CEP104: variants seen among roughly 807,000 people sequenced by gnomAD.
The protein encoded by CEP104 is centrosomal protein of 104 kDa.
CEP104 carries 84 observed loss-of-function variants against 113.3 expected under a neutral mutation model. The observed-to-expected ratio is 0.74, with a 90% CI of 0.62 to 0.89. CEP104 has a LOEUF of 0.89. Ranked by LOEUF, CEP104 falls within the 40% of genes least tolerant of loss-of-function variation. The pLI, the probability that CEP104 is intolerant of heterozygous loss-of-function variation, is 0.00. For missense variants in CEP104, 1,053 were observed against 1,156.6 expected (o/e 0.91, Z 1.30); for synonymous variants, 378 against 421.7 (o/e 0.90, Z 1.27).
intron 9 of CEP104, chr1:3,836,955 T>C: frequency 1.9e-6 from 1 of 515,866 alleles, no homozygotes; most frequent in East Asian, 3.2e-5. Context: ...TCAATGACTG[T>C]TTACTGGTAG....
At position 3,836,873 on chromosome 1, in the gene CEP104, A is replaced by T. The variant is rs1644324909; in HGVS notation, c.1120-181T>A. On this transcript the variant is annotated intron_variant, in intron 9 of 21. Coordinates refer to ENST00000378230, the MANE Select transcript of CEP104 (RefSeq NM_014704.4). ...CAACAAATAGGATGTAATTGAAAAGATTAGATGAGGCTTTCTATTACTTTC... is the reference window on the plus strand; with the variant it reads ...CAACAAATAGGATGTAATTGAAAAGTTTAGATGAGGCTTTCTATTACTTTC... 2.0e-5 allele frequency: 12 copies of T among 600,964 alleles called. No homozygotes were observed. In the South Asian group the frequency reaches 2.1e-4, roughly 11 times the overall value. The allele number at this position is 600,964 out of a possible 1,614,324, so 37.2% of individuals were successfully genotyped here.
intron 6 of CEP104, among the ~76,000 whole-genome samples, chr1:3,841,423 G>A (rs1038748196): frequency 6.6e-6 from 1 of 152,176 alleles, no homozygotes; most frequent in South Asian, 2.1e-4. Flanking sequence ...ACATTTTGGG[G>A]TGTCTACAAG....
At chr1:3,831,334 G>T in intron 12 of CEP104, 112 bp from the exon 13 acceptor site, 1 of 866,652 alleles carries the variant, frequency 1.2e-6, no homozygotes, top group Non-Finnish European at 1.8e-6. Flanking sequence ...GGGAAATACA[G>T]ATTGATAGTG....
chr1:3,822,447 A>G (rs1213829248), intron 20 of CEP104, among the ~76,000 whole-genome samples: 2 of 152,226 alleles, frequency 1.3e-5, no homozygotes, highest in Non-Finnish European at 2.9e-5. Context: ...ACAGTGACAC[A>G]CTGCAGGTGG....
rs140175791 is a variant in CEP104 at position 3,819,141 on chromosome 1, C to CT, written c.2572-2772dup. The stretch of plus-strand genomic sequence containing the variant: ...AGCAGATACCTAGTATGTTCAAGGA[C>CT]TTGAACGTGCAATGAAGTGCTACTG... On this transcript the variant is annotated intron_variant, in intron 20 of 21. Transcript: ENST00000378230. This position sits in a 1 kb window ranked among gnomAD's most constrained non-coding sequence, Gnocchi z 4.6. Among the ~76,000 whole-genome samples, 66 of 152,306 alleles carry CT rather than the reference C, an allele frequency of 4.3e-4. No homozygotes were observed. Among genetic ancestry groups the CT allele is most frequent in the African/African-American group, 1.6e-3 (66 of 41,564 alleles).
rs143877457 is a variant in CEP104 at position 3,836,548 on chromosome 1, C to T, written c.1264G>A (p.Glu422Lys). The change falls in exon 10 of 22, where the codon GAG becomes AAG. Residue 422 changes from glutamate to lysine, a missense_variant. Coordinates refer to ENST00000378230, the MANE Select transcript of CEP104 (RefSeq NM_014704.4). ...GAGCTGGCTTCTCTCAAGGCCTTCT[C>T]GGTTAAGGGCTCTGGCTCCCCTAAC... ...GMLGEPEPLT[E>K]KALREASSAI... The T allele has an allele frequency of 1.0e-4, 159 of 1,579,942 alleles. No homozygotes were observed. The highest frequency in any genetic ancestry group is 1.3e-4 in the South Asian group (12 of 90,270).
At position 3,831,092 on chromosome 1, in the gene CEP104, T is replaced by A. The variant is rs1366371366; in HGVS notation, c.1790A>T (p.Asp597Val). 6.2e-7 allele frequency: 1 copy of A among 1,614,064 alleles called. No homozygotes were observed. Among genetic ancestry groups the A allele is most frequent in the Non-Finnish European group, 8.5e-7 (1 of 1,180,050 alleles). The part of the protein sequence containing the change: ...QMGLLARLLK[D>V]LGTGSSGFTI... ...GAAGCCCGAGCTGCCAGTGCCCAGGTCTTTCAGCAGCCGGGCCAGGAGGCC... is the reference window on the plus strand; with the variant it reads ...GAAGCCCGAGCTGCCAGTGCCCAGGACTTTCAGCAGCCGGGCCAGGAGGCC... Residue 597 changes from aspartate (D) to valine (V), a missense_variant, in exon 13 of 22, where the codon GAC (aspartate) becomes GTC (valine). By Grantham distance (152) the Asp-to-Val change is radical (BLOSUM62 -3). Transcript: ENST00000378230.
intron 1 of CEP104, chr1:3,855,974 C>T (rs1156576628): frequency 2.0e-6 from 2 of 984,456 alleles, no homozygotes; most frequent in South Asian, 4.7e-5. Flanking sequence ...CCATGGCGGT[C>T]TCATCCCTCA....
chr1:3,828,963 G>T (rs1644146362), intron 15 of CEP104, among the ~76,000 whole-genome samples: 1 of 152,156 alleles, frequency 6.6e-6, no homozygotes, highest in Non-Finnish European at 1.5e-5. Flanking sequence ...TCTGAAGGTG[G>T]CTGGAGAGCT....
chr1:3,827,708 C>T (rs983259466), intron 15 of CEP104, among the ~76,000 whole-genome samples: 1 of 152,230 alleles, frequency 6.6e-6, no homozygotes, highest in Non-Finnish European at 1.5e-5. Context: ...CATCCCATCC[C>T]GTCATTCTCC....
At chr1:3,852,234 T>G in intron 2 of CEP104, 61 bp downstream of exon 2, 1 of 1,535,640 alleles carries the variant, frequency 6.5e-7, no homozygotes, top group East Asian at 2.3e-5. Context: ...GGAGCCCCTG[T>G]ACCCTCCTCA....
intron 12 of CEP104, 106 bp downstream of exon 12, chr1:3,833,756 G>A: frequency 8.3e-6 from 9 of 1,087,078 alleles, no homozygotes; most frequent in South Asian, 3.0e-5. Flanking sequence ...TGAGAATAAT[G>A]TTAACTGAGT....
chr1:3,849,071 C>T (rs2124694381), intron 2 of CEP104, among the ~76,000 whole-genome samples: 1 of 152,190 alleles, frequency 6.6e-6, no homozygotes, highest in South Asian at 2.1e-4. Context: ...TGCAGTTTTT[C>T]ATAAGATAAA....
Position 3,847,599 on chromosome 1 carries a change from C to T in CEP104, c.302G>A (p.Cys101Tyr). The change falls in exon 4 of 22, where the codon TGT becomes TAT. Residue 101 changes from cysteine to tyrosine, a missense_variant. Transcript: ENST00000378230. Reference sequence around the variant, plus strand: ...TTTGCAACCTGTCTTTTCATTATCACAGAGAGACACGTAGCTGAAAAACAA... The same window carrying T: ...TTTGCAACCTGTCTTTTCATTATCATAGAGAGACACGTAGCTGAAAAACAA... ...RFRRLGYVSL[C>Y]DNEKTGCKAR... 1 of 1,614,082 alleles carries T rather than the reference C, an allele frequency of 6.2e-7. No homozygotes were observed. The highest frequency in any genetic ancestry group is 1.1e-5 in the South Asian group (1 of 91,068).
In CEP104 at chr1:3,852,141, C is replaced by T. The variant is rs535163589; in HGVS notation, c.113+154G>A. ...AACATATTTTCTTTAAAAATATAAA[C>T]AGAAAGAGATGCCTGACACTGCATG... On this transcript the variant is annotated intron_variant, in intron 2 of 21. Coordinates refer to ENST00000378230, the MANE Select transcript of CEP104 (RefSeq NM_014704.4). 6.0e-3 allele frequency among the ~76,000 whole-genome samples: 909 copies of T among 152,184 alleles called. 10 individuals are homozygous for T. Among genetic ancestry groups the T allele is most frequent in the African/African-American group, 0.02 (845 of 41,514 alleles).
In CEP104 at chr1:3,823,033, A is replaced by G. The variant is rs758957129; in HGVS notation, c.2571+141T>C. On this transcript the variant is annotated intron_variant, in intron 20 of 21. Transcript: ENST00000378230. The surrounding 1 kb of genome is among the most constrained non-coding windows in gnomAD (Gnocchi z 4.1). The stretch of plus-strand genomic sequence containing the variant: ...CGGAACGACTGCTCAGACAGGGCTC[A>G]CTAGACGCTGTCCCCTCCCTGAACA... 2.2e-5 allele frequency: 16 copies of G among 730,812 alleles called. No individual in the cohort carries two copies. Among genetic ancestry groups the G allele is most frequent in the Non-Finnish European group, 3.8e-5 (16 of 423,526 alleles). The allele number at this position is 730,812 out of a possible 1,614,324, so 45.3% of individuals were successfully genotyped here.
At chr1:3,833,113 T>C (rs1419309028) in intron 12 of CEP104, among the ~76,000 whole-genome samples, 1 of 151,960 alleles carries the variant, frequency 6.6e-6, no homozygotes, top group East Asian at 1.9e-4. Flanking sequence ...CCCAAGTAGC[T>C]GGGACGACAG....
chr1:3,816,196 T>C (rs1487609048), intron 21 of CEP104, 84 bp downstream of exon 21: 8 of 1,192,362 alleles, frequency 6.7e-6, no homozygotes, highest in South Asian at 4.5e-5. Context: ...GGTCTTGCCA[T>C]GTTGCCCTGG....
intron 1 of CEP104, among the ~76,000 whole-genome samples, chr1:3,853,418 G>T (rs893320874): frequency 6.6e-6 from 1 of 150,988 alleles, no homozygotes; most frequent in Non-Finnish European, 1.5e-5. Flanking sequence ...AAAAAAAAAG[G>T]CTCCTCACTA....
Sources: gnomAD v4.1 joint callset for allele counts (sites outside exome capture counted in the v4.1 genomes callset) on GRCh38, gnomAD v4.1.1 for gene constraint, Gnocchi (gnomAD v3.1) non-coding constraint, MANE v1.5 for transcripts, NCBI Gene and HGNC (gene_info 2026-07-23, HGNC 2026-07-21) for gene names.